Variants in DSCAML1 observed in about 807,000 individuals in gnomAD.
The protein encoded by DSCAML1 is DS cell adhesion molecule like 1.
Under a neutral mutation model 200.5 loss-of-function variants are expected in DSCAML1, and 38 were observed. The observed-to-expected ratio is 0.19, with a 90% confidence interval of 0.15 to 0.25. The LOEUF (loss-of-function observed/expected upper bound fraction) is 0.25. Among genes scored for constraint, DSCAML1 ranks in the 10% least tolerant of loss-of-function variants. The pLI is 1.00. For missense variants in DSCAML1, 2,223 were observed against 2,858.8 expected, an observed-to-expected ratio of 0.78 and a Z score of 5.07; for synonymous variants, 1,215 against 1,165.0, an observed-to-expected ratio of 1.04 and a Z score of -0.87.
intron 3 of DSCAML1, among the ~76,000 whole-genome samples, chr11:117,586,428 G>C (rs981254645): frequency 6.6e-6 from 1 of 152,190 alleles, no homozygotes; most frequent in African/African-American, 2.4e-5. Context: ...TTTCCCACTG[G>C]AGAGACCAAT....
intron 3 of DSCAML1, among the ~76,000 whole-genome samples, chr11:117,589,089 G>T (rs944223553): frequency 5.3e-5 from 8 of 152,332 alleles, no homozygotes; most frequent in African/African-American, 1.9e-4. Context: ...AGGCCCCTAT[G>T]TTAGCTTACT....
rs374568189 is a variant in DSCAML1, at chr11:117,431,587, C to A, written c.5321G>T (p.Gly1774Val). ...SDWRTVGSQH[G>V]VTVTESDSYS... ...GCTGTCACTCTCAGTGACCGTGACA[C>A]CATGCTGGGAGCCCACGGTGCGCCA... Residue 1774 changes from glycine (G) to valine (V), a missense_variant, in exon 31 of 33, where the codon GGT (glycine) becomes GTT (valine). Around this residue, in one of 7 missense-constraint regions of DSCAML1, gnomAD observed 614 missense variants for 739.1 expected, o/e 0.83. Transcript: ENST00000651296. The A allele has an allele frequency of 2.9e-5, 47 of 1,610,892 alleles. No individual in the cohort carries two copies. Among genetic ancestry groups the A allele is most frequent in the Non-Finnish European group, 3.8e-5 (45 of 1,178,340 alleles).
Position 117,498,974 on chromosome 11 carries a change from C to T in DSCAML1, c.2359+4871G>A, listed in dbSNP as rs988173522. Among the ~76,000 whole-genome samples, 1 of 152,154 alleles carries T rather than the reference C, an allele frequency of 6.6e-6. No individual in the cohort carries two copies. Among genetic ancestry groups the T allele is most frequent in the Admixed American group, 6.5e-5 (1 of 15,288 alleles). ...AGAGAGTCTGGGAGGTCCAACGAGA[C>T]CTGTCTAATAAGGTCACCTGCTGGA... On this transcript the variant is annotated intron_variant, in intron 11 of 32. Coordinates refer to ENST00000651296, the MANE Select transcript of DSCAML1 (RefSeq NM_020693.4). The surrounding 1 kb of genome is among the most constrained non-coding windows in gnomAD (Gnocchi z 4.0).
At chr11:117,638,630 T>G (rs1027341467) in intron 3 of DSCAML1, among the ~76,000 whole-genome samples, 2 of 152,180 alleles carry the variant, frequency 1.3e-5, no homozygotes, top group African/African-American at 2.4e-5. Context: ...AATCATACAA[T>G]ATGTAGTTTT....
intron 8 of DSCAML1, among the ~76,000 whole-genome samples, chr11:117,514,368 G>A (rs1480774685): frequency 1.3e-5 from 2 of 152,084 alleles, no homozygotes. Context: ...AAGGACTCTT[G>A]TCTCTTCCAC....
Position 117,428,370 on chromosome 11 carries a change from C to T in DSCAML1, c.6120G>A (p.Lys2040=). The T allele has an allele frequency of 6.3e-7, 1 of 1,591,718 alleles. No homozygotes were observed. The highest frequency in any genetic ancestry group is 8.5e-7 in the Non-Finnish European group (1 of 1,169,934). Residue 2040 remains lysine, a synonymous_variant, in exon 33 of 33, where the codon AAG becomes AAA. Transcript: ENST00000651296. ...ATTTGGAGTAGGCCCCGGCCCCCTGCTTCTGAGACCTCCCTACCCCCGATG... is the reference window on the plus strand; with the variant it reads ...ATTTGGAGTAGGCCCCGGCCCCCTGTTTCTGAGACCTCCCTACCCCCGATG... The part of the protein sequence containing the change: ...MSTSGVGRSQ[K]QGAGAYSKSY...
At chr11:117,429,408 ATTTCT>A (rs1369224333) in intron 32 of DSCAML1, among the ~76,000 whole-genome samples, 1 of 151,616 alleles carries the variant, frequency 6.6e-6, no homozygotes, top group Non-Finnish European at 1.5e-5. Context: ...AAAGTTCCTA[ATTTCT>A]TTTTTTTTGA....
rs372864663 is a variant in DSCAML1 at position 117,720,734 on chromosome 11, C to T, written c.511+56057G>A. ...GTTTCCTCATCTGTAAAATGGTGCA[C>T]AGCAATAGTGGTGCTTGGCTTGAGC... On this transcript the variant is annotated intron_variant, in intron 3 of 32. Coordinates refer to ENST00000651296, the MANE Select transcript of DSCAML1 (RefSeq NM_020693.4). 7.9e-5 allele frequency among the ~76,000 whole-genome samples: 12 copies of T among 152,306 alleles called. No homozygotes were observed. In the East Asian group the frequency reaches 9.6e-4, roughly 12 times the overall value.
intron 3 of DSCAML1, among the ~76,000 whole-genome samples, chr11:117,556,925 G>A (rs527876575): frequency 1.3e-5 from 2 of 152,294 alleles, no homozygotes; most frequent in South Asian, 4.1e-4. Flanking sequence ...GGTCTGGTGG[G>A]GTGGAGGATG....
chr11:117,438,171 C>A, intron 24 of DSCAML1, 88 bp from the exon 25 acceptor site: 4 of 1,338,596 alleles, frequency 3.0e-6, no homozygotes, highest in Non-Finnish European at 4.1e-6. Context: ...GGGGGCTGGG[C>A]TCCAGGCAGG....
chr11:117,647,827 C>A (rs539365944), intron 3 of DSCAML1, among the ~76,000 whole-genome samples: 15 of 152,180 alleles, frequency 9.9e-5, no homozygotes, highest in Non-Finnish European at 2.1e-4. Context: ...AGACTTGTCC[C>A]CAGGGAACCC....
Position 117,450,692 on chromosome 11 carries a change from A to G in DSCAML1, c.3569-4T>C, listed in dbSNP as rs995022420. 27 of 1,613,350 alleles carry G rather than the reference A, an allele frequency of 1.7e-5. No homozygotes were observed. The highest frequency in any genetic ancestry group is 2.0e-5 in the Non-Finnish European group (24 of 1,179,778). On this transcript the variant is annotated splice_polypyrimidine_tract_variant and splice_region_variant and intron_variant, in intron 19 of 32. Transcript: ENST00000651296. ...ATGCCAGCAGGGGGACCTGGAACTG[A>G]GCAGGGAGAAGGCCTGGTCAGTTGA...
chr11:117,811,323 A>G (rs954121354), intron 1 of DSCAML1, among the ~76,000 whole-genome samples: 1 of 152,094 alleles, frequency 6.6e-6, no homozygotes, highest in Non-Finnish European at 1.5e-5. Flanking sequence ...TTATTACCCA[A>G]TCTGCTCCCG....
intron 3 of DSCAML1, among the ~76,000 whole-genome samples, chr11:117,610,397 A>T (rs78503991): frequency 0.017 from 2,518 of 152,290 alleles, 33 homozygotes; most frequent in East Asian, 0.06. Context: ...GGTGGTGCAG[A>T]TTCTTAGCTG....
rs576110901 is a variant in DSCAML1, at chr11:117,427,835, A to T, written c.*493T>A. 3.3e-5 allele frequency: 5 copies of T among 153,226 alleles called. No individual in the cohort carries two copies. Among genetic ancestry groups the T allele is most frequent in the African/African-American group, 1.2e-4 (5 of 41,476 alleles). The allele number at this position is 153,226 out of a possible 1,614,324, so 9.5% of individuals were successfully genotyped here. ...TTTTCATAGAAAAAGGTATTAACAC[A>T]TAAGCATCTGCAAATTGAAGCAACT... is the stretch of plus-strand genomic sequence containing the variant. On this transcript the variant is annotated 3_prime_UTR_variant, in exon 33 of 33. Coordinates refer to ENST00000651296, the MANE Select transcript of DSCAML1 (RefSeq NM_020693.4).
At chr11:117,554,840 A>G (rs886311769) in intron 3 of DSCAML1, among the ~76,000 whole-genome samples, 3 of 152,202 alleles carry the variant, frequency 2.0e-5, no homozygotes, top group Non-Finnish European at 4.4e-5. Flanking sequence ...ACTCCTTGTT[A>G]GACAAGAAAA....
At chr11:117,578,084 T>C (rs35021198) in intron 3 of DSCAML1, among the ~76,000 whole-genome samples, 85,443 of 150,822 alleles carry the variant, frequency 0.57, 24,919 homozygotes, top group Non-Finnish European at 0.64. Flanking sequence ...AAAATGCAAA[T>C]ATTAGCTGGG....
chr11:117,612,488 C>T (rs2051717032), intron 3 of DSCAML1, among the ~76,000 whole-genome samples: 1 of 152,198 alleles, frequency 6.6e-6, no homozygotes, highest in South Asian at 2.1e-4. Flanking sequence ...TGGATCAATT[C>T]CTGTGTTGCA....
intron 4 of DSCAML1, among the ~76,000 whole-genome samples, chr11:117,529,712 G>T (rs1019508289): frequency 5.4e-5 from 8 of 149,248 alleles, no homozygotes; most frequent in South Asian, 2.2e-4. Flanking sequence ...GAGCTCTCGG[G>T]GGTCCTGGCC....
Sources: gnomAD v4.1 joint callset for allele counts (sites outside exome capture counted in the v4.1 genomes callset) on GRCh38, gnomAD v4.1.1 for gene constraint, gnomAD v4.1.1 regional missense constraint, Gnocchi (gnomAD v3.1) non-coding constraint, MANE v1.5 for transcripts, NCBI Gene and HGNC (gene_info 2026-07-23, HGNC 2026-07-21) for gene names.